The following PPP2R3A variants were observed in gnomAD, a reference collection of about 807,000 sequenced individuals.
The protein encoded by PPP2R3A is serine/threonine-protein phosphatase 2A regulatory subunit B'' subunit alpha.
A neutral mutation model predicts 106.9 loss-of-function variants in PPP2R3A; 80 were observed. The observed-to-expected ratio is 0.75, with a 90% CI of 0.62 to 0.90. The LOEUF is 0.90. Among genes scored for constraint, PPP2R3A ranks in the 40% least tolerant of loss-of-function variants. PPP2R3A has a pLI of 0.00. For synonymous variants in PPP2R3A, 483 were observed against 468.3 expected (o/e 1.03, Z -0.41); for missense variants, 1,386 against 1,350.4 (o/e 1.03, Z -0.41).
chr3:136,069,186 T>C (rs985706575), intron 5 of PPP2R3A, among the ~76,000 whole-genome samples: 2 of 152,222 alleles, frequency 1.3e-5, no homozygotes, highest in Non-Finnish European at 2.9e-5. Flanking sequence ...TTTTTATCAC[T>C]ATACTATTGT....
intron 2 of PPP2R3A, chr3:136,022,717 C>G: frequency 9.8e-7 from 1 of 1,016,384 alleles, no homozygotes. Flanking sequence ...CTTTGGTACA[C>G]AGAGTAGTGG....
chr3:136,081,579 TTTTA>T (rs1387711953), intron 7 of PPP2R3A, among the ~76,000 whole-genome samples: 2 of 152,230 alleles, frequency 1.3e-5, no homozygotes, highest in African/African-American at 2.4e-5. Context: ...TCTTTTGTGC[TTTTA>T]TTTTTCTTTC....
chr3:136,091,267 A>G (rs1405677959), intron 10 of PPP2R3A, among the ~76,000 whole-genome samples: 3 of 152,152 alleles, frequency 2.0e-5, no homozygotes, highest in African/African-American at 7.2e-5. Context: ...CCTTGATGGT[A>G]CTTGCAGGTA....
intron 10 of PPP2R3A, among the ~76,000 whole-genome samples, chr3:136,091,521 G>A (rs188325029): frequency 5.3e-5 from 8 of 152,226 alleles, no homozygotes; most frequent in Admixed American, 5.2e-4. Context: ...AGAAGCTGAG[G>A]CAGGAGGATC....
intron 2 of PPP2R3A, among the ~76,000 whole-genome samples, chr3:136,006,611 T>C (rs912540033): frequency 1.3e-5 from 2 of 152,202 alleles, no homozygotes; most frequent in African/African-American, 4.8e-5. Flanking sequence ...ATTTGGTCCA[T>C]GGACTGAAGT....
At chr3:136,029,571 T>C (rs1373613440) in intron 3 of PPP2R3A, among the ~76,000 whole-genome samples, 2 of 152,156 alleles carry the variant, frequency 1.3e-5, no homozygotes, top group African/African-American at 2.4e-5. Context: ...GCCATTTATG[T>C]GCAGTGAGAA....
intron 1 of PPP2R3A, among the ~76,000 whole-genome samples, chr3:135,988,719 G>A (rs2107770192): frequency 6.6e-6 from 1 of 152,180 alleles, no homozygotes; most frequent in East Asian, 1.9e-4. Flanking sequence ...CAGTCCAGTT[G>A]TCTTATAGAA....
intron 12 of PPP2R3A, among the ~76,000 whole-genome samples, chr3:136,104,606 C>T (rs1937469244): frequency 6.6e-6 from 1 of 152,110 alleles, no homozygotes; most frequent in South Asian, 2.1e-4. Flanking sequence ...TGTGCCCAGC[C>T]TGTTTTATAG....
At chr3:135,974,834 C>G (rs1937367064) in intron 1 of PPP2R3A, among the ~76,000 whole-genome samples, 1 of 152,236 alleles carries the variant, frequency 6.6e-6, no homozygotes, top group Non-Finnish European at 1.5e-5. Flanking sequence ...TTGAAAACTG[C>G]TTCTCTGTGA....
chr3:136,042,757 G>A (rs537549032), intron 4 of PPP2R3A, among the ~76,000 whole-genome samples: 107 of 152,268 alleles, frequency 7.0e-4, no homozygotes, highest in African/African-American at 2.5e-3. Flanking sequence ...ATAGATAAGT[G>A]TGTCTCTAAA....
intron 13 of PPP2R3A, among the ~76,000 whole-genome samples, chr3:136,127,372 G>A (rs1212724610): frequency 6.6e-6 from 1 of 152,090 alleles, no homozygotes; most frequent in Non-Finnish European, 1.5e-5. Context: ...TGACATACAA[G>A]CTTCAACAGC....
At chr3:135,977,685 A>ATTT (rs1474837710) in intron 1 of PPP2R3A, among the ~76,000 whole-genome samples, 1 of 102,684 alleles carries the variant, frequency 9.7e-6, no homozygotes, top group Non-Finnish European at 2.2e-5. Context: ...TCTGATCAGC[A>ATTT]TTCTTTTTTT....
intron 5 of PPP2R3A, among the ~76,000 whole-genome samples, chr3:136,058,406 C>T (rs1416277733): frequency 1.3e-5 from 2 of 152,128 alleles, no homozygotes; most frequent in East Asian, 3.8e-4. Context: ...GAATGAACTC[C>T]CATTCACAAT....
rs190948923 is a variant in PPP2R3A at position 136,137,687 on chromosome 3, G to A, written c.3330-7356G>A. Among the ~76,000 whole-genome samples the A allele has an allele frequency of 1.3e-3, 201 of 151,770 alleles. 1 individual carries two copies. The highest frequency in any genetic ancestry group is 4.4e-3 in the African/African-American group (181 of 41,424). On this transcript the variant is annotated intron_variant, in intron 13 of 13. Transcript: ENST00000264977. ...CTACCGAGTAGCTGGGACTACAGGC[G>A]CCTGCAAGCACACCCGGCTAATTTT...
intron 11 of PPP2R3A, 144 bp from the exon 12 acceptor site, chr3:136,103,114 G>A: frequency 2.0e-6 from 1 of 503,126 alleles, no homozygotes. Context: ...CTTGAAAAAA[G>A]AAATGAGATT....
At position 136,082,402 on chromosome 3, in the gene PPP2R3A, G is replaced by A. The variant is rs779367349; in HGVS notation, c.2769G>A (p.Leu923=). 2.1e-5 allele frequency: 34 copies of A among 1,613,724 alleles called. No homozygotes were observed. The Middle Eastern group carries it at 4.9e-4, about 23-fold the overall frequency. ...DHDLYISQAD[L]SRYNDQASSS... ...ACCTCTACATCAGCCAGGCCGATCTGTCTCGATACAATGACCAGGGTAAGT... is the reference window on the plus strand; with the variant it reads ...ACCTCTACATCAGCCAGGCCGATCTATCTCGATACAATGACCAGGGTAAGT... The change falls in exon 8 of 14, where the codon CTG becomes CTA. Residue 923 remains leucine, a synonymous_variant. Coordinates refer to ENST00000264977, the MANE Select transcript of PPP2R3A (RefSeq NM_002718.5).
intron 13 of PPP2R3A, among the ~76,000 whole-genome samples, chr3:136,120,138 G>C (rs546289683): frequency 2.3e-4 from 35 of 151,916 alleles, no homozygotes; most frequent in East Asian, 7.8e-4. Context: ...CTGTCCGGGG[G>C]GGGTGGGGGC....
intron 2 of PPP2R3A, among the ~76,000 whole-genome samples, chr3:136,012,484 C>G (rs1056881991): frequency 6.6e-6 from 1 of 152,148 alleles, no homozygotes; most frequent in Non-Finnish European, 1.5e-5. Flanking sequence ...CATACACATG[C>G]TTTCCTATTT....
intron 2 of PPP2R3A, among the ~76,000 whole-genome samples, chr3:136,013,920 G>T (rs985483336): frequency 6.6e-6 from 1 of 151,996 alleles, no homozygotes; most frequent in Non-Finnish European, 1.5e-5. Flanking sequence ...CACCTAAGCC[G>T]ATGTCTAGAA....
Sources: gnomAD v4.1 joint callset for allele counts (sites outside exome capture counted in the v4.1 genomes callset) on GRCh38, gnomAD v4.1.1 for gene constraint, MANE v1.5 for transcripts, NCBI Gene and HGNC (gene_info 2026-07-23, HGNC 2026-07-21) for gene names.